Variants in ZNF799 observed in about 807,000 individuals in gnomAD.
ZNF799 encodes zinc finger protein 14.
A neutral mutation model predicts 41.0 loss-of-function variants in ZNF799; 28 were observed. The ratio of observed to expected loss-of-function variants is 0.68; its 90% confidence interval spans 0.51 to 0.94. The LOEUF (loss-of-function observed/expected upper bound fraction) is 0.94. Ranked by LOEUF, ZNF799 falls within the 40% of genes least tolerant of loss-of-function variation. The pLI is 0.00. For missense variants in ZNF799, 716 were observed against 764.3 expected (o/e 0.94, Z 0.74); for synonymous variants, 213 against 252.9 (o/e 0.84, Z 1.50).
At chr19:12,396,253 A>G (rs974724965) in intron 1 of ZNF799, among the ~76,000 whole-genome samples, 1 of 152,278 alleles carries the variant, frequency 6.6e-6, no homozygotes, top group African/African-American at 2.4e-5. Flanking sequence ...TAAAAACGTT[A>G]AAACAACTAT....
chr19:12,397,974 G>A (rs917293810), intron 1 of ZNF799, among the ~76,000 whole-genome samples: 9 of 152,188 alleles, frequency 5.9e-5, no homozygotes, highest in Non-Finnish European at 1.3e-4. Flanking sequence ...TATGGGGCTG[G>A]GCATGGTGGC....
At chr19:12,395,484 G>C (rs1412651562) in intron 1 of ZNF799, among the ~76,000 whole-genome samples, 1 of 151,996 alleles carries the variant, frequency 6.6e-6, no homozygotes, top group East Asian at 1.9e-4. Flanking sequence ...ACACGATCAG[G>C]GTCCAATTTG....
the ZNF799 span, among the ~76,000 whole-genome samples, chr19:12,412,995 C>T: frequency 5.8e-3 from 775 of 133,360 alleles, 4 homozygotes; most frequent in Non-Finnish European, 7.9e-3. Context: ...TATGGTGAGC[C>T]GAGATCACAC....
intron 1 of ZNF799, among the ~76,000 whole-genome samples, chr19:12,399,645 T>A (rs1969948812): frequency 7.5e-6 from 1 of 132,768 alleles, no homozygotes; most frequent in South Asian, 2.2e-4. Flanking sequence ...TGGACACCCT[T>A]TTTTTTTTTT....
chr19:12,397,296 C>T (rs1430282948), intron 1 of ZNF799, among the ~76,000 whole-genome samples: 2 of 151,992 alleles, frequency 1.3e-5, no homozygotes, highest in African/African-American at 4.8e-5. Context: ...TGGCTCACCC[C>T]TGTAATGCCA....
At chr19:12,409,909 G>A in the ZNF799 span, among the ~76,000 whole-genome samples, 2 of 152,180 alleles carry the variant, frequency 1.3e-5, no homozygotes, top group Admixed American at 6.5e-5. Context: ...CACTTTAGAA[G>A]GCCAAGGTGG....
intron 1 of ZNF799, among the ~76,000 whole-genome samples, chr19:12,396,296 T>C (rs1969892739): frequency 6.6e-6 from 1 of 152,230 alleles, no homozygotes; most frequent in Non-Finnish European, 1.5e-5. Flanking sequence ...AAGGCAATGA[T>C]GAACAAATAA....
chr19:12,405,827 A>G (rs1403836204), upstream of ZNF799, among the ~76,000 whole-genome samples: 4 of 152,222 alleles, frequency 2.6e-5, no homozygotes, highest in Non-Finnish European at 5.9e-5. Context: ...ATTGATGGAA[A>G]AAGTTTAATT....
At chr19:12,396,878 TTCA>T (rs1286586490) in intron 1 of ZNF799, among the ~76,000 whole-genome samples, 3 of 151,660 alleles carry the variant, frequency 2.0e-5, no homozygotes, top group African/African-American at 7.3e-5. Context: ...TTAAAAGAAG[TTCA>T]TCAGAGAGAA....
rs992926996 is a variant in ZNF799 at position 12,391,655 on chromosome 19, G to C, written c.743C>G (p.Thr248Ser). 1 of 1,610,966 alleles carries C rather than the reference G, an allele frequency of 6.2e-7. No individual in the cohort carries two copies. The highest frequency in any genetic ancestry group is 1.3e-5 in the African/African-American group (1 of 74,818). The change falls in exon 4 of 4, where the codon ACT (threonine) becomes AGT (serine). Residue 248 changes from threonine to serine, a missense_variant. Physicochemically the swap from Thr to Ser is moderately conservative, Grantham distance 58 (BLOSUM62 1). This residue lies in a region of ZNF799 where 698 missense variants were observed against 713.6 expected (regional missense o/e 0.98). Transcript: ENST00000430385. The part of the protein sequence containing the change: ...SSYLRHERTH[T>S]GEKLYECKQC... ...TTTACATTCATACAGTTTCTCCCCA[G>C]TATGTGTTCTTTCATGTCTTAGATA...
chr19:12,412,430 CTA>C, the ZNF799 span, among the ~76,000 whole-genome samples: 1 of 152,020 alleles, frequency 6.6e-6, no homozygotes. Context: ...GTTGCCTTTT[CTA>C]TGTCGCACCT....
At chr19:12,400,961 T>C (rs1004274320) in intron 1 of ZNF799, 107 bp downstream of exon 1, 38 of 1,598,242 alleles carry the variant, frequency 2.4e-5, no homozygotes, top group Non-Finnish European at 3.1e-5. Context: ...CCCGGGTCCG[T>C]AGATCCCGGA....
the ZNF799 span, among the ~76,000 whole-genome samples, chr19:12,408,341 G>A: frequency 6.6e-6 from 1 of 151,868 alleles, no homozygotes; most frequent in African/African-American, 2.4e-5. Context: ...AGGAAAGGAG[G>A]CAGAAAAAAA....
At chr19:12,414,680 G>A in the ZNF799 span, among the ~76,000 whole-genome samples, 1 of 152,138 alleles carries the variant, frequency 6.6e-6, no homozygotes, top group Non-Finnish European at 1.5e-5. Flanking sequence ...TGGAAAAACT[G>A]GAATTATAAG....
the ZNF799 span, among the ~76,000 whole-genome samples, chr19:12,408,159 A>T: frequency 6.6e-6 from 1 of 152,158 alleles, no homozygotes; most frequent in Admixed American, 6.5e-5. Flanking sequence ...AAAACAAAAA[A>T]GATTCTGTCT....
intron 1 of ZNF799, among the ~76,000 whole-genome samples, chr19:12,399,389 A>G (rs1438977150): frequency 1.3e-5 from 2 of 151,654 alleles, no homozygotes; most frequent in African/African-American, 4.8e-5. Context: ...TTTTTTTCCT[A>G]TGGAATATGA....
At chr19:12,402,022 T>G (rs538105879), upstream of ZNF799, among the ~76,000 whole-genome samples, 182 of 152,380 alleles carry the variant, frequency 1.2e-3, no homozygotes, top group Middle Eastern at 6.8e-3. Flanking sequence ...CCATCCCCAC[T>G]TCCCCCATAA....
At chr19:12,411,124 T>G in the ZNF799 span, among the ~76,000 whole-genome samples, 1 of 152,188 alleles carries the variant, frequency 6.6e-6, no homozygotes, top group Non-Finnish European at 1.5e-5. Context: ...CTCCGCCATG[T>G]AAGAATATAA....
At chr19:12,393,734 G>A (rs1599606385) in intron 1 of ZNF799, 14 of 1,158,096 alleles carry the variant, frequency 1.2e-5, no homozygotes, top group South Asian at 5.4e-5. Flanking sequence ...TCCTTGGCAC[G>A]ATAAAGTCCT....
Sources: gnomAD v4.1 joint callset for allele counts (sites outside exome capture counted in the v4.1 genomes callset) on GRCh38, gnomAD v4.1.1 for gene constraint, gnomAD v4.1.1 regional missense constraint, MANE v1.5 for transcripts, NCBI Gene and HGNC (gene_info 2026-07-23, HGNC 2026-07-21) for gene names.